Variants in ADGRG7 observed in about 807,000 individuals in gnomAD.
The protein encoded by ADGRG7 is G-protein coupled receptor 128.
ADGRG7 carries 82 observed loss-of-function variants against 88.6 expected under a neutral mutation model. The observed-to-expected ratio is 0.93, with a 90% CI of 0.77 to 1.11. ADGRG7 has a LOEUF of 1.11. ADGRG7 is among the 50% of genes most tolerant of loss of function. The pLI is 0.00. For synonymous variants in ADGRG7, 381 were observed against 345.2 expected, an observed-to-expected ratio of 1.10 and a Z score of -1.15; for missense variants, 945 against 953.4, an observed-to-expected ratio of 0.99 and a Z score of 0.12.
intron 1 of ADGRG7, among the ~76,000 whole-genome samples, chr3:100,623,649 C>G (rs1165259): frequency 0.91 from 139,099 of 152,216 alleles, 64,934 homozygotes; most frequent in East Asian, 1. Flanking sequence ...TTATCATGTA[C>G]GTTTTAAGCC....
chr3:100,666,267 T>A (rs985788829), intron 14 of ADGRG7, among the ~76,000 whole-genome samples: 3 of 152,078 alleles, frequency 2.0e-5, no homozygotes, highest in Admixed American at 6.6e-5. Context: ...GGAACCAGCG[T>A]TCAGCATATG....
chr3:100,633,676 C>T (rs1144124), intron 4 of ADGRG7, among the ~76,000 whole-genome samples: 42,091 of 151,802 alleles, frequency 0.28, 6,325 homozygotes, highest in Non-Finnish European at 0.34. Flanking sequence ...CTCATACCAC[C>T]GTGCCCGACT....
At chr3:100,687,321 AAC>A (rs1325015225) in intron 15 of ADGRG7, among the ~76,000 whole-genome samples, 2 of 152,190 alleles carry the variant, frequency 1.3e-5, no homozygotes, top group African/African-American at 4.8e-5. Context: ...GTCATCTGCA[AAC>A]AGGGACAATT....
chr3:100,612,922 A>G lies in ADGRG7; in HGVS notation c.115+2951A>G, dbSNP rs147451210. ...TATTTTTGTTTTGAGAAGGAGTCTC[A>G]TTCTGTCTCCAGGCTGGACTGTGGT... On this transcript the variant is annotated intron_variant, in intron 1 of 15. Coordinates refer to ENST00000273352, the MANE Select transcript of ADGRG7 (RefSeq NM_032787.3). 7.0e-3 allele frequency among the ~76,000 whole-genome samples: 1,066 copies of G among 152,246 alleles called. 8 individuals are homozygous for G. The highest frequency in any genetic ancestry group is 0.013 in the African/African-American group (541 of 41,544).
chr3:100,669,202 C>T lies in ADGRG7; in HGVS notation c.2136+97C>T, dbSNP rs1483719655. On this transcript the variant is annotated intron_variant, in intron 15 of 15. Coordinates refer to ENST00000273352, the MANE Select transcript of ADGRG7 (RefSeq NM_032787.3). ...CTTTAAGAGACTATTTTAAAAAAAT[C>T]TAGGCCAGGCGCGGTGGCTCACGCC... is the stretch of plus-strand genomic sequence containing the variant. 7.6e-6 allele frequency: 8 copies of T among 1,050,268 alleles called. No individual in the cohort carries two copies. The African/African-American group carries it at 1.2e-4, about 15-fold the overall frequency. 65.1% of individuals were successfully genotyped at this position (1,050,268 alleles called of 1,614,324 possible).
intron 15 of ADGRG7, among the ~76,000 whole-genome samples, chr3:100,674,967 T>C (rs376316817): frequency 3.3e-5 from 5 of 152,204 alleles, no homozygotes; most frequent in African/African-American, 9.6e-5. Context: ...CTTTACTGAA[T>C]TTATCCATTC....
intron 15 of ADGRG7, 87 bp from the exon 16 acceptor site, chr3:100,694,657 A>C: frequency 8.1e-7 from 1 of 1,235,280 alleles, no homozygotes. Context: ...GCAGATGAGA[A>C]GGTTGGGTGG....
chr3:100,673,054 T>A lies in ADGRG7; in HGVS notation c.2136+3949T>A, dbSNP rs115994757. On this transcript the variant is annotated intron_variant, in intron 15 of 15. Coordinates refer to ENST00000273352, the MANE Select transcript of ADGRG7 (RefSeq NM_032787.3). ...TGTGTGTCTCTGCTAGGTTTTGGAA[T>A]CAGGATGATGTTGGCCTCCTAAAAT... is the stretch of plus-strand genomic sequence containing the variant. Among the ~76,000 whole-genome samples the A allele has an allele frequency of 4.9e-3, 747 of 152,272 alleles. 6 individuals are homozygous for A. Among genetic ancestry groups the A allele is most frequent in the African/African-American group, 0.017 (713 of 41,542 alleles).
chr3:100,661,483 C>G (rs760587506), intron 14 of ADGRG7, among the ~76,000 whole-genome samples: 1 of 152,120 alleles, frequency 6.6e-6, no homozygotes, highest in South Asian at 2.1e-4. Flanking sequence ...AATAAACATG[C>G]AATATGAACT....
rs139257564 is a variant in ADGRG7, at chr3:100,642,019, G to A, written c.699-1247G>A. Among the ~76,000 whole-genome samples the A allele has an allele frequency of 1.8e-3, 277 of 152,326 alleles. 2 individuals carry two copies. Among genetic ancestry groups the A allele is most frequent in the African/African-American group, 6.3e-3 (262 of 41,564 alleles). Reference sequence around the variant, plus strand: ...TCTGTAATCTTATCAGTTATGACAAGAGGAGGAAAGAAGTACAAGAAAGAA... The same window carrying A: ...TCTGTAATCTTATCAGTTATGACAAAAGGAGGAAAGAAGTACAAGAAAGAA... On this transcript the variant is annotated intron_variant, in intron 6 of 15. Coordinates refer to ENST00000273352, the MANE Select transcript of ADGRG7 (RefSeq NM_032787.3).
At chr3:100,688,477 C>A (rs7651857) in intron 15 of ADGRG7, among the ~76,000 whole-genome samples, 49,343 of 151,768 alleles carry the variant, frequency 0.33, 8,494 homozygotes, top group East Asian at 0.54. Flanking sequence ...TTAGGGTGTC[C>A]ATTTTAGATC....
rs116481126 is a variant in ADGRG7 at position 100,609,952 on chromosome 3, T to A, written c.96T>A (p.Ile32=). 1.4e-5 allele frequency: 23 copies of A among 1,613,210 alleles called. No individual in the cohort carries two copies. The East Asian group carries it at 5.1e-4, about 36-fold the overall frequency. The part of the protein sequence containing the change: ...GIILGLGIWR[I]VIRIQRGKST... Reference sequence around the variant, plus strand: ...TTTTGGGACTGGGCATCTGGAGGATTGTGATCAGGATCCAAAGAGGTAATG... The same window carrying A: ...TTTTGGGACTGGGCATCTGGAGGATAGTGATCAGGATCCAAAGAGGTAATG... The change falls in exon 1 of 16, where the codon ATT becomes ATA. Residue 32 remains isoleucine, a synonymous_variant. Transcript: ENST00000273352.
Position 100,643,637 on chromosome 3 carries a change from A to T in ADGRG7, c.946+4A>T. 2 of 1,595,624 alleles carry T rather than the reference A, an allele frequency of 1.3e-6. No individual in the cohort carries two copies. The highest frequency in any genetic ancestry group is 1.7e-6 in the Non-Finnish European group (2 of 1,166,124). ...GTCTTGCTTAATATGACGAAAAGTA[A>T]GTCTCAAACTTTGTGACATTTAAAA... On this transcript the variant is annotated splice_donor_region_variant and intron_variant, in intron 8 of 15. Coordinates refer to ENST00000273352, the MANE Select transcript of ADGRG7 (RefSeq NM_032787.3).
chr3:100,657,150 G>A (rs1269896616), intron 13 of ADGRG7, among the ~76,000 whole-genome samples: 1 of 152,148 alleles, frequency 6.6e-6, no homozygotes, highest in Non-Finnish European at 1.5e-5. Context: ...TGTTGGGGAA[G>A]ATACGAGGCA....
At chr3:100,692,296 C>T (rs1486976356) in intron 15 of ADGRG7, among the ~76,000 whole-genome samples, 4 of 152,170 alleles carry the variant, frequency 2.6e-5, no homozygotes, top group Admixed American at 6.5e-5. Flanking sequence ...ACTAAATTTA[C>T]AGGGATATAA....
rs377416860 is a variant in ADGRG7, at chr3:100,684,517, G to A, written c.2137-10227G>A. On this transcript the variant is annotated intron_variant, in intron 15 of 15. Transcript: ENST00000273352. ...TCCTGGGCTCAAGTGGTCATCCTGCGTCAGCTTCCCAAAGTGTTGGGATTA... is the reference window on the plus strand; with the variant it reads ...TCCTGGGCTCAAGTGGTCATCCTGCATCAGCTTCCCAAAGTGTTGGGATTA... Among the ~76,000 whole-genome samples, 21 of 152,100 alleles carry A rather than the reference G, an allele frequency of 1.4e-4. No individual in the cohort carries two copies. The East Asian group carries it at 2.3e-3, about 17-fold the overall frequency.
intron 1 of ADGRG7, among the ~76,000 whole-genome samples, chr3:100,617,451 T>G (rs924664453): frequency 6.7e-6 from 1 of 148,948 alleles, no homozygotes; most frequent in African/African-American, 2.5e-5. Flanking sequence ...TTCCCACCTA[T>G]GAGTGAGAAC....
chr3:100,694,233 T>C (rs1026333895), intron 15 of ADGRG7, among the ~76,000 whole-genome samples: 21 of 152,218 alleles, frequency 1.4e-4, no homozygotes, highest in African/African-American at 5.1e-4. Flanking sequence ...GAAAATATTA[T>C]TCAGTGTTTT....
At chr3:100,632,676 G>T (rs943675360) in intron 3 of ADGRG7, among the ~76,000 whole-genome samples, 4 of 152,144 alleles carry the variant, frequency 2.6e-5, no homozygotes, top group African/African-American at 9.7e-5. Context: ...AGAAGGAGCT[G>T]CCCAAAGCTG....
Sources: gnomAD v4.1 joint callset for allele counts (sites outside exome capture counted in the v4.1 genomes callset) on GRCh38, gnomAD v4.1.1 for gene constraint, MANE v1.5 for transcripts, NCBI Gene and HGNC (gene_info 2026-07-23, HGNC 2026-07-21) for gene names.